TRAPPC10: variants seen among roughly 807,000 people sequenced by gnomAD.
TRAPPC10 encodes trafficking protein particle complex subunit 10.
In TRAPPC10, 23 loss-of-function variants were observed where a neutral mutation model predicts 125.5. The observed-to-expected ratio is 0.18, with a 90% CI of 0.13 to 0.26. The LOEUF (loss-of-function observed/expected upper bound fraction) is 0.26. TRAPPC10 is among the 10% of genes least tolerant of loss of function. TRAPPC10 has a pLI of 1.00. For missense variants in TRAPPC10, 1,123 were observed against 1,308.4 expected, an observed-to-expected ratio of 0.86 and a Z score of 2.19; for synonymous variants, 509 against 518.0, an observed-to-expected ratio of 0.98 and a Z score of 0.24.
rs145181940 is a variant in TRAPPC10, at chr21:44,091,157, C to T, written c.2871-766C>T. 1.1e-4 allele frequency among the ~76,000 whole-genome samples: 16 copies of T among 152,312 alleles called. No individual in the cohort carries two copies. In the East Asian group the frequency reaches 2.1e-3, roughly 20 times the overall value. On this transcript the variant is annotated intron_variant, in intron 18 of 22. Coordinates refer to ENST00000291574, the MANE Select transcript of TRAPPC10 (RefSeq NM_003274.5). Reference sequence around the variant, plus strand: ...AGTGAGCTGAGATCGTGCCATTGCACCCCAGCCTGGGCGACAAGAGCAAGA... The same window carrying T: ...AGTGAGCTGAGATCGTGCCATTGCATCCCAGCCTGGGCGACAAGAGCAAGA...
At chr21:44,032,049 A>C (rs2033621698) in intron 1 of TRAPPC10, 42 bp from the exon 2 acceptor site, 1 of 1,532,888 alleles carries the variant, frequency 6.5e-7, no homozygotes, top group Non-Finnish European at 9.0e-7. Context: ...GCATGTATTC[A>C]CCTAAAAATA....
At chr21:44,025,524 T>C (rs181480999) in intron 1 of TRAPPC10, among the ~76,000 whole-genome samples, 58 of 152,384 alleles carry the variant, frequency 3.8e-4, no homozygotes, top group Non-Finnish European at 1.9e-4. Context: ...TTTTAAACTC[T>C]TGAATTTTAA....
At position 44,087,974 on chromosome 21, in the gene TRAPPC10, C is replaced by T. The variant is rs774017638; in HGVS notation, c.2769+46C>T. 1.3e-5 allele frequency: 20 copies of T among 1,521,840 alleles called. No individual in the cohort carries two copies. Among genetic ancestry groups the T allele is most frequent in the Non-Finnish European group, 1.7e-5 (19 of 1,115,774 alleles). 94.3% of individuals were successfully genotyped at this position (1,521,840 alleles called of 1,614,324 possible). A position where few individuals can be genotyped will look rare whatever the true frequency, so the allele number is the denominator to read the frequency against. The stretch of plus-strand genomic sequence containing the variant: ...AGCTTAGCTTGTGGGGCGTCCGCCG[C>T]CCGCCTGCCTGCTGGGAAAGGCGAT... On this transcript the variant is annotated intron_variant, in intron 17 of 22. Transcript: ENST00000291574. This position sits in a 1 kb window ranked among gnomAD's most constrained non-coding sequence, Gnocchi z 4.6.
intron 7 of TRAPPC10, among the ~76,000 whole-genome samples, chr21:44,070,500 C>A (rs1419252337): frequency 6.6e-6 from 1 of 152,176 alleles, no homozygotes; most frequent in Non-Finnish European, 1.5e-5. Context: ...GCTCTCAGGG[C>A]AGAGCGGAGG....
intron 8 of TRAPPC10, 31 bp downstream of exon 8, chr21:44,074,501 C>T (rs200218438): frequency 1.1e-4 from 181 of 1,613,290 alleles, no homozygotes; most frequent in Non-Finnish European, 4.2e-5. Flanking sequence ...GGAATGCTCA[C>T]GTTGTCTCTG....
At chr21:44,086,981 G>T in intron 16 of TRAPPC10, 21 bp downstream of exon 16, 1 of 1,612,472 alleles carries the variant, frequency 6.2e-7, no homozygotes, top group Non-Finnish European at 8.5e-7. Flanking sequence ...GCCCACCCAG[G>T]CCCAAGGAGG....
intron 7 of TRAPPC10, among the ~76,000 whole-genome samples, chr21:44,064,928 C>T (rs1176902111): frequency 3.3e-5 from 5 of 152,184 alleles, no homozygotes; most frequent in East Asian, 3.8e-4. Flanking sequence ...AAATGACCCT[C>T]TGGGCTGCCT....
At chr21:44,038,020 G>C in intron 3 of TRAPPC10, 93 bp downstream of exon 3, 1 of 1,508,178 alleles carries the variant, frequency 6.6e-7, no homozygotes, top group South Asian at 1.3e-5. Context: ...AAGAGGACGC[G>C]TGGTGGGGTG....
At chr21:44,046,844 A>C in intron 3 of TRAPPC10, 1 of 682,046 alleles carries the variant, frequency 1.5e-6, no homozygotes. Flanking sequence ...TGCCAGTTCA[A>C]GTCCCTCTGC....
intron 1 of TRAPPC10, among the ~76,000 whole-genome samples, chr21:44,021,137 T>TTGA (rs2032460408): frequency 6.6e-6 from 1 of 152,248 alleles, no homozygotes; most frequent in Admixed American, 6.5e-5. Context: ...TTCTGAGAAC[T>TTGA]TGATACCCAG....
chr21:44,071,767 G>T (rs1411131564), intron 7 of TRAPPC10, among the ~76,000 whole-genome samples: 1 of 152,236 alleles, frequency 6.6e-6, no homozygotes, highest in African/African-American at 2.4e-5. Flanking sequence ...GGAAATAAAG[G>T]CACTTAGAGC....
intron 1 of TRAPPC10, among the ~76,000 whole-genome samples, chr21:44,018,455 C>G (rs1302063138): frequency 1.3e-5 from 2 of 152,030 alleles, no homozygotes; most frequent in Admixed American, 1.3e-4. Context: ...AATCCCAGCA[C>G]TTTGGGAGGC....
rs192670611 is a variant in TRAPPC10, at chr21:44,087,902, C to T, written c.2743C>T (p.Arg915Cys). 104 of 1,613,932 alleles carry T rather than the reference C, an allele frequency of 6.4e-5. 1 individual carries two copies. In the East Asian group the frequency reaches 1.6e-3, roughly 24 times the overall value. Reference sequence around the variant, plus strand: ...GCATAAGGACAAACAGAGAACTGGCCGCTGCATGGTTACCACAGACCACAA... The same window carrying T: ...GCATAAGGACAAACAGAGAACTGGCTGCTGCATGGTTACCACAGACCACAA... The part of the protein sequence containing the change: ...RKHKDKQRTG[R>C]CMVTTDHKVS... Residue 915 changes from arginine to cysteine, a missense_variant, in exon 17 of 23, where the codon CGC (arginine) becomes TGC (cysteine). Around this residue, in one of 4 missense-constraint regions of TRAPPC10, gnomAD observed 840 missense variants for 902.0 expected, o/e 0.93. Transcript: ENST00000291574. This position sits in a 1 kb window ranked among gnomAD's most constrained non-coding sequence, Gnocchi z 4.6.
In TRAPPC10 at chr21:44,089,849, C is replaced by T. The variant is rs2038452898; in HGVS notation, c.2786C>T (p.Pro929Leu). The T allele has an allele frequency of 6.2e-7, 1 of 1,613,678 alleles. No individual in the cohort carries two copies. Among genetic ancestry groups the T allele is most frequent in the Non-Finnish European group, 8.5e-7 (1 of 1,179,742 alleles). Residue 929 changes from proline to leucine, a missense_variant, in exon 18 of 23, where the codon CCG (proline) becomes CTG (leucine). By Grantham distance (98) the Pro-to-Leu change is moderately conservative. Coordinates refer to ENST00000291574, the MANE Select transcript of TRAPPC10 (RefSeq NM_003274.5). ...TTDHKVSIDC[P>L]WSIYSTVIAL... ...CCTCCTCAGGTGTCGATTGACTGCC[C>T]GTGGTCCATCTACTCCACAGTCATC...
intron 7 of TRAPPC10, among the ~76,000 whole-genome samples, chr21:44,065,711 C>G (rs2145941697): frequency 6.6e-6 from 1 of 152,354 alleles, no homozygotes. Flanking sequence ...CCAGAGAGGA[C>G]AGCCTCCCTT....
intron 11 of TRAPPC10, among the ~76,000 whole-genome samples, chr21:44,078,764 C>T (rs888374090): frequency 1.3e-5 from 2 of 152,188 alleles, no homozygotes; most frequent in Non-Finnish European, 2.9e-5. Context: ...GCTCCTGAGG[C>T]TTTGACAAGC....
At position 44,059,870 on chromosome 21, in the gene TRAPPC10, A is replaced by G. The variant is rs574817306; in HGVS notation, c.790+656A>G. On this transcript the variant is annotated intron_variant, in intron 6 of 22. Transcript: ENST00000291574. This position sits in a 1 kb window ranked among gnomAD's most constrained non-coding sequence, Gnocchi z 4.4. ...GGGGTTTGGAGTTGTTTTTGTTACA[A>G]TTGGTATTCCTGGCTTGATTCCATT... 21 of 227,624 alleles carry G rather than the reference A, an allele frequency of 9.2e-5. No homozygotes were observed. Among genetic ancestry groups the G allele is most frequent in the Non-Finnish European group, 1.5e-4 (18 of 117,080 alleles). The allele number at this position is 227,624 out of a possible 1,614,324, so 14.1% of individuals were successfully genotyped here. A position where few individuals can be genotyped will look rare whatever the true frequency, so the allele number is the denominator to read the frequency against.
At chr21:44,090,012 G>T (rs1002551263) in intron 18 of TRAPPC10, 79 bp downstream of exon 18, 10 of 1,139,456 alleles carry the variant, frequency 8.8e-6, no homozygotes, top group African/African-American at 1.5e-5. Context: ...TTCAAAACTG[G>T]CCTTCGTGGT....
At chr21:44,029,322 T>C (rs1404258730) in intron 1 of TRAPPC10, among the ~76,000 whole-genome samples, 1 of 152,132 alleles carries the variant, frequency 6.6e-6, no homozygotes, top group African/African-American at 2.4e-5. Flanking sequence ...TCTCTATCAC[T>C]TGACCTTGTG....
Sources: gnomAD v4.1 joint callset for allele counts (sites outside exome capture counted in the v4.1 genomes callset) on GRCh38, gnomAD v4.1.1 for gene constraint, gnomAD v4.1.1 regional missense constraint, Gnocchi (gnomAD v3.1) non-coding constraint, MANE v1.5 for transcripts, NCBI Gene and HGNC (gene_info 2026-07-23, HGNC 2026-07-21) for gene names.